UBXN2B: variants seen among roughly 807,000 people sequenced by gnomAD.
UBXN2B encodes the protein UBX domain protein 2B, also known as UBX domain-containing protein 2B.
A neutral mutation model predicts 37.5 loss-of-function variants in UBXN2B; 19 were observed. That is an observed-to-expected ratio of 0.51 (90% CI 0.35 to 0.74). The LOEUF is 0.74. Ranked by LOEUF, UBXN2B falls within the 30% of genes least tolerant of loss-of-function variation. UBXN2B has a pLI of 0.01. For missense variants in UBXN2B, 370 were observed against 393.2 expected (o/e 0.94, Z 0.50); for synonymous variants, 145 against 143.8 (o/e 1.01, Z -0.06).
intron 2 of UBXN2B, among the ~76,000 whole-genome samples, chr8:58,429,117 G>A (rs1031118646): frequency 1.3e-5 from 2 of 152,130 alleles, no homozygotes; most frequent in South Asian, 2.1e-4. Context: ...CGATTTTTGC[G>A]GTAAGGTCTT....
At chr8:58,416,805 G>A in intron 1 of UBXN2B, 45 bp from the exon 2 acceptor site, 3 of 1,547,908 alleles carry the variant, frequency 1.9e-6, no homozygotes, top group Admixed American at 1.8e-5. Flanking sequence ...TATGGAAGAG[G>A]TTATTCCTAG....
rs563014303 is a variant in UBXN2B, at chr8:58,411,403, C to G, written c.18C>G (p.Gly6=). The change falls in exon 1 of 8, where the codon GGC becomes GGG. Residue 6 remains glycine, a synonymous_variant. Coordinates refer to ENST00000399598, the MANE Select transcript of UBXN2B (RefSeq NM_001077619.2). ...AGCGGAAGATGGCGGAGGGCGGAGGCCCTGAGCCCGGCGAGCAGGAGAGGA... is the reference window on the plus strand; with the variant it reads ...AGCGGAAGATGGCGGAGGGCGGAGGGCCTGAGCCCGGCGAGCAGGAGAGGA... MAEGG[G]PEPGEQERRS... is the part of the protein sequence containing the mutation. 3.2e-6 allele frequency: 4 copies of G among 1,269,056 alleles called. No homozygotes were observed. In the East Asian group the frequency reaches 9.4e-5, roughly 30 times the overall value. The allele number at this position is 1,269,056 out of a possible 1,614,324, so 78.6% of individuals were successfully genotyped here.
chr8:58,429,157 A>G (rs1393916852), intron 2 of UBXN2B, among the ~76,000 whole-genome samples: 1 of 152,206 alleles, frequency 6.6e-6, no homozygotes, highest in Non-Finnish European at 1.5e-5. Context: ...AAAAGGAATG[A>G]TTATTCACTT....
At chr8:58,419,390 T>G (rs1414378941) in intron 2 of UBXN2B, among the ~76,000 whole-genome samples, 2 of 152,224 alleles carry the variant, frequency 1.3e-5, no homozygotes, top group African/African-American at 2.4e-5. Flanking sequence ...AGTTATTGTC[T>G]CATTGTCATT....
intron 1 of UBXN2B, among the ~76,000 whole-genome samples, chr8:58,414,798 C>T (rs973682926): frequency 2.0e-5 from 3 of 152,050 alleles, no homozygotes; most frequent in African/African-American, 7.2e-5. Flanking sequence ...GCCAGGTAGA[C>T]TCTTTAATAT....
At chr8:58,433,980 C>G (rs1446362541) in intron 4 of UBXN2B, among the ~76,000 whole-genome samples, 1 of 151,958 alleles carries the variant, frequency 6.6e-6, no homozygotes, top group East Asian at 1.9e-4. Context: ...AAATTCTGTT[C>G]CCCTTAGGAT....
intron 5 of UBXN2B, chr8:58,435,241 C>A: frequency 1.3e-6 from 1 of 743,452 alleles, no homozygotes; most frequent in Non-Finnish European, 1.7e-6. Flanking sequence ...GGGTTATACT[C>A]CATAAAGGAA....
chr8:58,442,753 G>A (rs995525557), intron 6 of UBXN2B, among the ~76,000 whole-genome samples: 1 of 152,204 alleles, frequency 6.6e-6, no homozygotes, highest in Admixed American at 6.5e-5. Flanking sequence ...ATTTTTAATA[G>A]GGAGGACTAG....
At position 58,450,602 on chromosome 8, in the gene UBXN2B, T is replaced by G. The variant is rs1808781139; in HGVS notation, c.*3051T>G. The G allele has an allele frequency of 6.6e-6, 1 of 152,266 alleles. No individual in the cohort carries two copies. The highest frequency in any genetic ancestry group is 1.5e-5 in the Non-Finnish European group (1 of 68,064). 9.4% of individuals were successfully genotyped at this position (152,266 alleles called of 1,614,324 possible). A position where few individuals can be genotyped will look rare whatever the true frequency, so the allele number is the denominator to read the frequency against. On this transcript the variant is annotated 3_prime_UTR_variant, in exon 8 of 8. Transcript: ENST00000399598. The stretch of plus-strand genomic sequence containing the variant: ...ACAGTCTGTTTAAGGCAGTTTAGCT[T>G]CTTTTCTGGCATGCTCCTCAGAATT...
chr8:58,417,369 G>A (rs912421118), intron 2 of UBXN2B, among the ~76,000 whole-genome samples: 6 of 152,188 alleles, frequency 3.9e-5, no homozygotes, highest in South Asian at 2.1e-4. Flanking sequence ...TTAAGGATAT[G>A]TGTGTTTCTT....
rs33952664 is a variant in UBXN2B at position 58,441,348 on chromosome 8, C to CATAT, written c.671+1595_671+1598dup. Among the ~76,000 whole-genome samples the CATAT allele has an allele frequency of 2.2e-3, 227 of 104,648 alleles. 19 individuals are homozygous for CATAT. Among genetic ancestry groups the CATAT allele is most frequent in the African/African-American group, 6.4e-3 (161 of 25,016 alleles). The allele number at this position is 104,648 out of a possible 152,430, so 68.7% of individuals were successfully genotyped here. ...TTTTTACTCCTCTTGTTGTGATCAA[C>CATAT]ATATATATATATATATATATGTATG... On this transcript the variant is annotated intron_variant, in intron 6 of 7. Transcript: ENST00000399598.
At chr8:58,411,743 G>C (rs746314106) in intron 1 of UBXN2B, among the ~76,000 whole-genome samples, 5 of 152,178 alleles carry the variant, frequency 3.3e-5, no homozygotes, top group African/African-American at 7.2e-5. Flanking sequence ...CATTTTGCGG[G>C]GTCAGTTGGT....
chr8:58,433,844 A>G (rs1490172435), intron 4 of UBXN2B, among the ~76,000 whole-genome samples: 14 of 152,220 alleles, frequency 9.2e-5, no homozygotes, highest in Admixed American at 9.2e-4. Context: ...GTATATTTTC[A>G]TAATCTAAAA....
rs1200329278 is a variant in UBXN2B, at chr8:58,439,696, T to A, written c.597T>A (p.Asp199Glu). Reference sequence around the variant, plus strand: ...GCCAAGTGAATTTGGATATGGAGGATCATCAGGATCAAGAATACATAAAAC... The same window carrying A: ...GCCAAGTGAATTTGGATATGGAGGAACATCAGGATCAAGAATACATAAAAC... ...HGGQVNLDME[D>E]HQDQEYIKPR... Residue 199 changes from aspartate to glutamate, a missense_variant, in exon 6 of 8, where the codon GAT (aspartate) becomes GAA (glutamate). Around this residue, in one of 3 missense-constraint regions of UBXN2B, gnomAD observed 90 missense variants for 139.4 expected, o/e 0.65. Transcript: ENST00000399598. 1 of 1,612,894 alleles carries A rather than the reference T, an allele frequency of 6.2e-7. No individual in the cohort carries two copies. The highest frequency in any genetic ancestry group is 8.5e-7 in the Non-Finnish European group (1 of 1,179,584).
At chr8:58,428,728 C>G (rs1214766655) in intron 2 of UBXN2B, among the ~76,000 whole-genome samples, 2 of 152,178 alleles carry the variant, frequency 1.3e-5, no homozygotes, top group Admixed American at 1.3e-4. Context: ...AAGTTGAGGA[C>G]TTACACTGCT....
At position 58,428,707 on chromosome 8, in the gene UBXN2B, A is replaced by G. The variant is rs192652268; in HGVS notation, c.189-1812A>G. Among the ~76,000 whole-genome samples the G allele has an allele frequency of 9.2e-5, 14 of 152,336 alleles. No homozygotes were observed. The East Asian group carries it at 1.3e-3, about 15-fold the overall frequency. ...ATAAATATTTTTGCCCCAAACATTC[A>G]TGAAGAATTAAAGTTGAGGACTTAC... On this transcript the variant is annotated intron_variant, in intron 2 of 7. Transcript: ENST00000399598.
In UBXN2B at chr8:58,411,400, A is replaced by T; in HGVS notation, c.15A>T (p.Gly5=). The T allele has an allele frequency of 7.9e-7, 1 of 1,269,248 alleles. No individual in the cohort carries two copies. The highest frequency in any genetic ancestry group is 1.0e-6 in the Non-Finnish European group (1 of 1,002,988). The allele number at this position is 1,269,248 out of a possible 1,614,324, so 78.6% of individuals were successfully genotyped here. A position where few individuals can be genotyped will look rare whatever the true frequency, so the allele number is the denominator to read the frequency against. Residue 5 remains glycine (G), a synonymous_variant, in exon 1 of 8, where the codon GGA becomes GGT. Coordinates refer to ENST00000399598, the MANE Select transcript of UBXN2B (RefSeq NM_001077619.2). ...GCCAGCGGAAGATGGCGGAGGGCGG[A>T]GGCCCTGAGCCCGGCGAGCAGGAGA... MAEG[G]GPEPGEQERR...
In UBXN2B at chr8:58,447,624, T is replaced by A; in HGVS notation, c.*73T>A. The A allele has an allele frequency of 7.6e-7, 1 of 1,322,356 alleles. No individual in the cohort carries two copies. The highest frequency in any genetic ancestry group is 1.0e-6 in the Non-Finnish European group (1 of 1,003,660). 81.9% of individuals were successfully genotyped at this position (1,322,356 alleles called of 1,614,324 possible). On this transcript the variant is annotated 3_prime_UTR_variant, in exon 8 of 8. Coordinates refer to ENST00000399598, the MANE Select transcript of UBXN2B (RefSeq NM_001077619.2). The stretch of plus-strand genomic sequence containing the variant: ...TATTAATAAGGACAATACTTCAGCA[T>A]TAAAAACAGCCAAATTATTTTTATT...
At chr8:58,441,315 ATAT>A (rs559412135) in intron 6 of UBXN2B, among the ~76,000 whole-genome samples, 2 of 127,308 alleles carry the variant, frequency 1.6e-5, no homozygotes, top group Admixed American at 7.6e-5. Context: ...AAATTGTATA[ATAT>A]TATGTTTTTA....
Sources: allele counts gnomAD v4.1 joint callset (sites outside exome capture counted in the v4.1 genomes callset), GRCh38; gene constraint gnomAD v4.1.1; regional missense constraint gnomAD v4.1.1; transcripts MANE v1.5; gene names NCBI Gene and HGNC (gene_info 2026-07-23, HGNC 2026-07-21).